The following PPP1R42 variants were observed in gnomAD, a reference collection of about 807,000 sequenced individuals.
The protein encoded by PPP1R42 is leucine rich repeat containing 67.
PPP1R42 carries 34 observed loss-of-function variants against 31.0 expected under a neutral mutation model. That is an observed-to-expected ratio of 1.10 (90% CI 0.83 to 1.46). PPP1R42 has a LOEUF of 1.46. Ranked by LOEUF, PPP1R42 falls within the 40% of genes most tolerant of loss-of-function variation. PPP1R42 has a pLI of 0.00. For missense variants in PPP1R42, 268 were observed against 303.0 expected, an observed-to-expected ratio of 0.88 and a Z score of 0.86; for synonymous variants, 103 against 109.8, an observed-to-expected ratio of 0.94 and a Z score of 0.39.
intron 7 of PPP1R42, among the ~76,000 whole-genome samples, chr8:66,971,486 A>G (rs1226400971): frequency 2.0e-5 from 3 of 152,210 alleles, no homozygotes; most frequent in African/African-American, 7.2e-5. Context: ...ATATGTCCAT[A>G]CCTTTATTCT....
intron 5 of PPP1R42, among the ~76,000 whole-genome samples, chr8:66,991,818 A>G (rs1318165974): frequency 6.6e-6 from 1 of 151,868 alleles, no homozygotes; most frequent in East Asian, 1.9e-4. Context: ...GATCCGGACT[A>G]ATGCTTCTCA....
chr8:66,986,171 C>G, intron 6 of PPP1R42: 1 of 615,544 alleles, frequency 1.6e-6, no homozygotes, highest in South Asian at 1.6e-5. Flanking sequence ...ACGCTTTTCA[C>G]TGTCTTCTCA....
At chr8:66,980,182 T>A (rs1484493962) in intron 7 of PPP1R42, among the ~76,000 whole-genome samples, 1 of 152,186 alleles carries the variant, frequency 6.6e-6, no homozygotes, top group African/African-American at 2.4e-5. Flanking sequence ...CATGAGTATA[T>A]TATCAACTAA....
chr8:66,988,129 C>T (rs1815081510), intron 6 of PPP1R42: 1 of 1,062,498 alleles, frequency 9.4e-7, no homozygotes, highest in Non-Finnish European at 1.1e-6. Flanking sequence ...AAGTTCTACA[C>T]ATTTATGACT....
chr8:67,023,088 A>C (rs1816273929), intron 1 of PPP1R42, among the ~76,000 whole-genome samples: 1 of 131,066 alleles, frequency 7.6e-6, no homozygotes, highest in Non-Finnish European at 1.5e-5. Context: ...TTTATATTTA[A>C]GGCCATGCAT....
At chr8:66,971,587 C>T (rs1814539787) in intron 7 of PPP1R42, among the ~76,000 whole-genome samples, 1 of 152,130 alleles carries the variant, frequency 6.6e-6, no homozygotes, top group Non-Finnish European at 1.5e-5. Flanking sequence ...GCCCTATTCA[C>T]CTCTAATCCA....
At chr8:67,012,742 A>G (rs1815881574) in intron 4 of PPP1R42, among the ~76,000 whole-genome samples, 2 of 152,168 alleles carry the variant, frequency 1.3e-5, no homozygotes, top group African/African-American at 4.8e-5. Context: ...CCTTCCAGTT[A>G]CCCAAAGAGG....
chr8:67,022,718 T>A (rs1816260236), intron 1 of PPP1R42, among the ~76,000 whole-genome samples: 1 of 152,132 alleles, frequency 6.6e-6, no homozygotes, highest in Non-Finnish European at 1.5e-5. Context: ...TATTCAATAT[T>A]TTTTTCCTTA....
At chr8:67,015,598 C>CT (rs375638249) in intron 2 of PPP1R42, among the ~76,000 whole-genome samples, 264 of 135,448 alleles carry the variant, frequency 1.9e-3, no homozygotes, top group Middle Eastern at 3.9e-3. Context: ...ACATCAATTA[C>CT]TTTTTTTTTT....
intron 7 of PPP1R42, among the ~76,000 whole-genome samples, chr8:66,974,557 A>T (rs1814619618): frequency 6.6e-6 from 1 of 151,484 alleles, no homozygotes; most frequent in South Asian, 2.1e-4. Context: ...TCTGTCTCGG[A>T]AAAAAAAATA....
intron 7 of PPP1R42, among the ~76,000 whole-genome samples, chr8:66,966,833 A>G (rs1329421729): frequency 6.6e-6 from 1 of 152,192 alleles, no homozygotes; most frequent in Non-Finnish European, 1.5e-5. Flanking sequence ...TTCAAAATAT[A>G]GGCATTTTAA....
intron 1 of PPP1R42, among the ~76,000 whole-genome samples, chr8:67,025,768 G>A (rs1816375161): frequency 6.6e-6 from 1 of 152,104 alleles, no homozygotes; most frequent in East Asian, 1.9e-4. Context: ...ACTTTGGGAG[G>A]CCGAGGTGGG....
chr8:66,982,951 CTTT>C (rs199626734), intron 6 of PPP1R42, among the ~76,000 whole-genome samples: 2 of 136,306 alleles, frequency 1.5e-5, no homozygotes, highest in Non-Finnish European at 1.6e-5. Context: ...TAATTAAAAG[CTTT>C]TTTTTTTTTT....
chr8:66,984,192 A>C, intron 6 of PPP1R42: 1 of 1,572,778 alleles, frequency 6.4e-7, no homozygotes, highest in Non-Finnish European at 8.7e-7. Flanking sequence ...GTTCAGCCCC[A>C]TGCTTTCTGA....
intron 7 of PPP1R42, among the ~76,000 whole-genome samples, chr8:66,973,989 A>C (rs4410889): frequency 3.0e-4 from 46 of 152,164 alleles, no homozygotes; most frequent in Non-Finnish European, 5.1e-4. Flanking sequence ...TCATCTGTCC[A>C]ATGTCCATGT....
chr8:67,006,892 GC>G (rs1815701538), intron 5 of PPP1R42, among the ~76,000 whole-genome samples: 1 of 150,036 alleles, frequency 6.7e-6, no homozygotes, highest in South Asian at 2.1e-4. Flanking sequence ...GACTACAGGC[GC>G]CCACACACCC....
At chr8:66,987,284 GATCTTT>G (rs1346843538) in intron 6 of PPP1R42, among the ~76,000 whole-genome samples, 1 of 138,182 alleles carries the variant, frequency 7.2e-6, no homozygotes, top group Non-Finnish European at 1.5e-5. Context: ...TTTAGCAAAT[GATCTTT>G]TTTTTTTTTT....
chr8:67,008,692 A>G (rs531783787), intron 5 of PPP1R42, among the ~76,000 whole-genome samples: 2 of 144,480 alleles, frequency 1.4e-5, no homozygotes, highest in South Asian at 4.4e-4. Context: ...TGGATGACAG[A>G]GTGAGACTCT....
At chr8:66,982,560 G>T (rs1814875579) in intron 6 of PPP1R42, among the ~76,000 whole-genome samples, 1 of 151,868 alleles carries the variant, frequency 6.6e-6, no homozygotes, top group African/African-American at 2.4e-5. Flanking sequence ...GGGCTCAAGT[G>T]ATCCTCCCAC....
Sources: allele counts gnomAD v4.1 joint callset (sites outside exome capture counted in the v4.1 genomes callset), GRCh38; gene constraint gnomAD v4.1.1; transcripts MANE v1.5; gene names NCBI Gene and HGNC (gene_info 2026-07-23, HGNC 2026-07-21).